Variants in IL17RC observed in about 807,000 individuals in gnomAD.
IL17RC encodes interleukin-17 receptor C.
Under a neutral mutation model 86.7 loss-of-function variants are expected in IL17RC, and 53 were observed. The ratio of observed to expected loss-of-function variants is 0.61; its 90% CI spans 0.49 to 0.77. The LOEUF (loss-of-function observed/expected upper bound fraction) is 0.77, where lower values mean the gene tolerates loss of function less well. Ranked by LOEUF, IL17RC falls within the 30% of genes least tolerant of loss-of-function variation. IL17RC has a pLI of 0.00. For missense variants in IL17RC, 957 were observed against 940.0 expected (o/e 1.02, Z -0.24); for synonymous variants, 439 against 413.1 (o/e 1.06, Z -0.76).
chr3:9,923,744 G>C, intron 7 of IL17RC, 137 bp from the exon 8 acceptor site: 5 of 945,854 alleles, frequency 5.3e-6, no homozygotes, highest in Non-Finnish European at 7.9e-6. Context: ...GCAAAGTCTG[G>C]TCTGAAATGA....
Position 9,920,641 on chromosome 3 carries a change from C to T in IL17RC, c.577+39C>T, listed in dbSNP as rs777814223. The T allele has an allele frequency of 8.9e-6, 12 of 1,345,524 alleles. 1 individual carries two copies. In the South Asian group the frequency reaches 1.2e-4, roughly 14 times the overall value. The allele number at this position is 1,345,524 out of a possible 1,614,324, so 83.3% of individuals were successfully genotyped here. On this transcript the variant is annotated intron_variant, in intron 6 of 18. Transcript: ENST00000403601. ...CAAGTCCTGGCCCCCTAGCCTCTGT[C>T]CCCTCTGGCCATTCCCCCTCCTGAT...
At chr3:9,931,871 T>TAAA (rs36000537) in intron 16 of IL17RC, among the ~76,000 whole-genome samples, 5 of 116,574 alleles carry the variant, frequency 4.3e-5, no homozygotes, top group African/African-American at 1.2e-4. Flanking sequence ...CAATTGGAGG[T>TAAA]AAAAAAAAAA....
At chr3:9,922,200 C>G (rs2083640577) in intron 7 of IL17RC, among the ~76,000 whole-genome samples, 1 of 152,076 alleles carries the variant, frequency 6.6e-6, no homozygotes, top group Non-Finnish European at 1.5e-5. Flanking sequence ...ATCCTCCCAC[C>G]TCGGCCTCCC....
chr3:9,920,635 C>T (rs1351237138), intron 6 of IL17RC, 33 bp downstream of exon 6: 2 of 1,376,510 alleles, frequency 1.5e-6, no homozygotes, highest in East Asian at 2.4e-5. Context: ...GCCCCCTAGC[C>T]TCTGTCCCCT....
Position 9,930,782 on chromosome 3 carries a change from C to A in IL17RC, c.1339-113C>A. 2.1e-6 allele frequency: 2 copies of A among 934,526 alleles called. No individual in the cohort carries two copies. The highest frequency in any genetic ancestry group is 3.6e-6 in the Non-Finnish European group (2 of 560,194). 57.9% of individuals were successfully genotyped at this position (934,526 alleles called of 1,614,324 possible). A position where few individuals can be genotyped will look rare whatever the true frequency, so the allele number is the denominator to read the frequency against. On this transcript the variant is annotated intron_variant, in intron 15 of 18. Transcript: ENST00000403601. This position sits in a 1 kb window ranked among gnomAD's most constrained non-coding sequence, Gnocchi z 5.8. The stretch of plus-strand genomic sequence containing the variant: ...GGCAGAGCAGCTGCAGGAACCTTAG[C>A]CGGGAGATATGCATAGTTGATGCTG...
Position 9,933,538 on chromosome 3 carries a change from C to A in IL17RC, c.2108C>A (p.Ala703Glu), listed in dbSNP as rs1181366017. Residue 703 changes from alanine (A) to glutamate (E), a missense_variant, in exon 19 of 19, where the codon GCG becomes GAG. By Grantham distance (107) the Ala-to-Glu change is moderately radical (BLOSUM62 -1). Transcript: ENST00000403601. ...TACTTCCATCCCCCGGGGACTCCCG[C>A]GCCGGGACGCGGGGTGGGACCAGGC... ...DSYFHPPGTP[A>E]PGRGVGPGAG... 6.2e-7 allele frequency: 1 copy of A among 1,606,644 alleles called. No individual in the cohort carries two copies. The highest frequency in any genetic ancestry group is 8.5e-7 in the Non-Finnish European group (1 of 1,177,082).
intron 6 of IL17RC, 27 bp downstream of exon 6, chr3:9,920,629 C>A: frequency 6.8e-7 from 1 of 1,471,410 alleles, no homozygotes; most frequent in East Asian, 2.3e-5. Flanking sequence ...GTCCTGGCCC[C>A]CTAGCCTCTG....
intron 12 of IL17RC, chr3:9,929,267 G>A (rs2084420435): frequency 6.5e-6 from 1 of 154,372 alleles, no homozygotes; most frequent in South Asian, 2.0e-4. Flanking sequence ...TGAGCTGAGA[G>A]GGCGCCACTG....
In IL17RC at chr3:9,933,430, A is replaced by C; in HGVS notation, c.2000A>C (p.Gln667Pro). The change falls in exon 19 of 19, where the codon CAG becomes CCG. Residue 667 changes from glutamine to proline, a missense_variant. Transcript: ENST00000403601. ...SQLPDFLGALQQPRAPRSGRL... is the reference protein window; with the variant it reads ...SQLPDFLGALPQPRAPRSGRL... ...CTGCCAGACTTCCTGGGGGCCCTGC[A>C]GCAGCCTCGCGCCCCGCGTTCCGGG... The C allele has an allele frequency of 6.2e-7, 1 of 1,613,214 alleles. No homozygotes were observed. The highest frequency in any genetic ancestry group is 8.5e-7 in the Non-Finnish European group (1 of 1,179,810).
Position 9,917,267 on chromosome 3 carries a change from G to A in IL17RC, c.-49G>A. The A allele has an allele frequency of 6.7e-7, 1 of 1,495,842 alleles. No homozygotes were observed. The highest frequency in any genetic ancestry group is 9.1e-7 in the Non-Finnish European group (1 of 1,104,914). The allele number at this position is 1,495,842 out of a possible 1,614,324, so 92.7% of individuals were successfully genotyped here. On this transcript the variant is annotated 5_prime_UTR_variant, in exon 1 of 19. Coordinates refer to ENST00000403601, the MANE Select transcript of IL17RC (RefSeq NM_153460.4). ...GACTGGGGTGTCTGCCCCCCTTGGG[G>A]GGGGGCAGCACAGGGCCTCAGGCCT...
chr3:9,929,042 C>T (rs182788890), intron 12 of IL17RC: 66 of 168,718 alleles, frequency 3.9e-4, no homozygotes, highest in Admixed American at 6.9e-4. Flanking sequence ...CGGCCAGGCG[C>T]GGTGGCTCAC....
At chr3:9,931,464 C>CATATATATATATAT (rs1338301646) in intron 16 of IL17RC, among the ~76,000 whole-genome samples, 21 of 10,774 alleles carry the variant, frequency 1.9e-3, no homozygotes, top group Admixed American at 2.4e-3. Flanking sequence ...CACACACACA[C>CATATATATATATAT]ACACACATAT....
chr3:9,931,470 C>CATATATATATATATATAT (rs1553593529), intron 16 of IL17RC, among the ~76,000 whole-genome samples: 12 of 43,692 alleles, frequency 2.7e-4, no homozygotes, highest in South Asian at 8.9e-4. Flanking sequence ...CACACACACA[C>CATATATATATATATATAT]ATATATATAT....
Position 9,928,593 on chromosome 3 carries a change from T to C in IL17RC, c.1073T>C (p.Phe358Ser). 1 of 1,613,762 alleles carries C rather than the reference T, an allele frequency of 6.2e-7. No homozygotes were observed. Among genetic ancestry groups the C allele is most frequent in the Non-Finnish European group, 8.5e-7 (1 of 1,180,010 alleles). Reference sequence around the variant, plus strand: ...CTCTTTCCACAGAAGGTTCTCGAGTTCCCATTGCTGAAAGGCCACCCTAAC... The same window carrying C: ...CTCTTTCCACAGAAGGTTCTCGAGTCCCCATTGCTGAAAGGCCACCCTAAC... ...ENVTVDKVLE[F>S]PLLKGHPNLC... is the part of the protein sequence containing the mutation. Residue 358 changes from phenylalanine to serine, a missense_variant, in exon 12 of 19, where the codon TTC (phenylalanine) becomes TCC (serine). Transcript: ENST00000403601.
At position 9,918,639 on chromosome 3, in the gene IL17RC, A is replaced by G. The variant is rs528585737; in HGVS notation, c.465+30A>G. On this transcript the variant is annotated intron_variant, in intron 5 of 18. Coordinates refer to ENST00000403601, the MANE Select transcript of IL17RC (RefSeq NM_153460.4). ...GCAAAATAATAATAATCACCTTCTA[A>G]ACCTAAAATCTATAAAACTTTTTCA... is the stretch of plus-strand genomic sequence containing the variant. 9 of 1,472,472 alleles carry G rather than the reference A, an allele frequency of 6.1e-6. No homozygotes were observed. In the South Asian group the frequency reaches 6.8e-5, roughly 11 times the overall value. The allele number at this position is 1,472,472 out of a possible 1,614,324, so 91.2% of individuals were successfully genotyped here.
chr3:9,929,936 C>T (rs758082353), intron 13 of IL17RC, 39 bp downstream of exon 13: 1 of 1,613,702 alleles, frequency 6.2e-7, no homozygotes, highest in African/African-American at 1.3e-5. Context: ...AGGGCCACCT[C>T]CTAGGGGTGA....
chr3:9,927,098 G>C (rs143486150), intron 9 of IL17RC, among the ~76,000 whole-genome samples: 1 of 152,320 alleles, frequency 6.6e-6, no homozygotes, highest in East Asian at 1.9e-4. Context: ...CTAACTAAAG[G>C]CTTGATGGAT....
Position 9,920,696 on chromosome 3 carries a change from C to T in IL17RC, c.577+94C>T, listed in dbSNP as rs370290116. 5.3e-3 allele frequency: 4,726 copies of T among 899,168 alleles called. 128 individuals carry two copies. Among genetic ancestry groups the T allele is most frequent in the South Asian group, 0.047 (3,214 of 68,526 alleles). 55.7% of individuals were successfully genotyped at this position (899,168 alleles called of 1,614,324 possible). A position where few individuals can be genotyped will look rare whatever the true frequency, so the allele number is the denominator to read the frequency against. ...CCCTCTTCTAGCTCCATCCACTCTC[C>T]GGCAGGGGTCTGAGCTGCTATCCTC... On this transcript the variant is annotated intron_variant, in intron 6 of 18. Coordinates refer to ENST00000403601, the MANE Select transcript of IL17RC (RefSeq NM_153460.4).
intron 7 of IL17RC, 32 bp downstream of exon 7, chr3:9,921,001 G>A: frequency 6.9e-7 from 1 of 1,455,632 alleles, no homozygotes; most frequent in Non-Finnish European, 9.4e-7. Context: ...CCGGGGGTAG[G>A]GAGGGGCAGG....
Sources: gnomAD v4.1 joint callset for allele counts (sites outside exome capture counted in the v4.1 genomes callset) on GRCh38, gnomAD v4.1.1 for gene constraint, Gnocchi (gnomAD v3.1) non-coding constraint, MANE v1.5 for transcripts, NCBI Gene and HGNC (gene_info 2026-07-23, HGNC 2026-07-21) for gene names.